Variants in P2RX1 observed in about 807,000 individuals in gnomAD.
The protein encoded by P2RX1 is P2X purinoceptor 1.
In P2RX1, 42 loss-of-function variants were observed where a neutral mutation model predicts 50.3. The observed-to-expected ratio is 0.83, with a 90% confidence interval of 0.65 to 1.08. P2RX1 has a LOEUF of 1.08. P2RX1 is among the 50% of genes least tolerant of loss of function. The probability of loss-of-function intolerance (pLI) is 0.00; values close to 1 mark genes in which losing one functional copy is unlikely to be tolerated. For synonymous variants in P2RX1, 199 were observed against 202.6 expected (o/e 0.98, Z 0.15); for missense variants, 449 against 529.0 (o/e 0.85, Z 1.48).
At chr17:3,898,404 G>T in intron 10 of P2RX1, 80 bp downstream of exon 10, 1 of 1,123,184 alleles carries the variant, frequency 8.9e-7, no homozygotes, top group Non-Finnish European at 1.3e-6. Flanking sequence ...GTTTTAGGGT[G>T]AGGGACGTCT....
Position 3,905,228 on chromosome 17 carries a change from G to T in P2RX1, c.277C>A (p.Pro93Thr), listed in dbSNP as rs776282211. Residue 93 changes from proline to threonine, a missense_variant, in exon 2 of 12, where the codon CCA (proline) becomes ACA (threonine). Transcript: ENST00000225538. Reference sequence around the variant, plus strand: ...AACCTGAGCCAGCTCACCTGGGCTGGGAAGACGTAGTCAGCCACATCCCAG... The same window carrying T: ...AACCTGAGCCAGCTCACCTGGGCTGTGAAGACGTAGTCAGCCACATCCCAG... ...QVWDVADYVF[P>T]AQGDNSFVVM... is the part of the protein sequence containing the mutation. 6.2e-6 allele frequency: 10 copies of T among 1,612,906 alleles called. No homozygotes were observed. The highest frequency in any genetic ancestry group is 7.6e-6 in the Non-Finnish European group (9 of 1,179,866).
chr17:3,913,861 G>A (rs937652533), intron 1 of P2RX1, among the ~76,000 whole-genome samples: 1 of 34,714 alleles, frequency 2.9e-5, no homozygotes, highest in Non-Finnish European at 4.9e-5. Context: ...GTGCACTCTT[G>A]GGGGGGGTGG....
Position 3,916,340 on chromosome 17 carries a change from A to T in P2RX1, c.-115T>A. The T allele has an allele frequency of 4.1e-6, 5 of 1,209,198 alleles. No homozygotes were observed. Among genetic ancestry groups the T allele is most frequent in the Non-Finnish European group, 5.9e-6 (5 of 850,866 alleles). 74.9% of individuals were successfully genotyped at this position (1,209,198 alleles called of 1,614,324 possible). ...GCTTCTGGGGGCTTCCTGGCCCCTT[A>T]GGAAGAGCAGGGCGGTGCAGGTGGA... On this transcript the variant is annotated 5_prime_UTR_variant, in exon 1 of 12. Coordinates refer to ENST00000225538, the MANE Select transcript of P2RX1 (RefSeq NM_002558.4).
intron 1 of P2RX1, 59 bp from the exon 2 acceptor site, chr17:3,905,426 C>A: frequency 6.3e-7 from 1 of 1,585,010 alleles, no homozygotes; most frequent in African/African-American, 1.3e-5. Flanking sequence ...ACCTGTCACA[C>A]GCTTTCCCAC....
chr17:3,906,477 T>C (rs2056266240), intron 1 of P2RX1, among the ~76,000 whole-genome samples: 1 of 152,170 alleles, frequency 6.6e-6, no homozygotes, highest in Admixed American at 6.5e-5. Flanking sequence ...TTCATACATG[T>C]AGAAACACTC....
chr17:3,916,267 C>A lies in P2RX1; in HGVS notation c.-42G>T. ...CTCAGAACTGAGCCCCCTGCACGGC[C>A]TCTGCTCTCAGGGTGAGCCGGGTGC... On this transcript the variant is annotated 5_prime_UTR_variant, in exon 1 of 12. In the 5' UTR this introduces an upstream ATG that the reference lacks. Coordinates refer to ENST00000225538, the MANE Select transcript of P2RX1 (RefSeq NM_002558.4). The A allele has an allele frequency of 6.2e-7, 1 of 1,603,412 alleles. No individual in the cohort carries two copies. Among genetic ancestry groups the A allele is most frequent in the South Asian group, 1.1e-5 (1 of 90,630 alleles).
At position 3,899,627 on chromosome 17, in the gene P2RX1, C is replaced by T; in HGVS notation, c.875+7G>A. On this transcript the variant is annotated splice_region_variant and intron_variant, in intron 8 of 11. Transcript: ENST00000225538. The stretch of plus-strand genomic sequence containing the variant: ...GAAGAATGTGCTGCTGGGGGCCTGG[C>T]AGACACCTGAAGTTGAAGCCTGGGG... The T allele has an allele frequency of 6.2e-7, 1 of 1,612,508 alleles. No individual in the cohort carries two copies. Among genetic ancestry groups the T allele is most frequent in the Non-Finnish European group, 8.5e-7 (1 of 1,178,954 alleles).
At chr17:3,907,800 C>A (rs2056294470) in intron 1 of P2RX1, among the ~76,000 whole-genome samples, 1 of 152,102 alleles carries the variant, frequency 6.6e-6, no homozygotes, top group South Asian at 2.1e-4. Context: ...TTGCCCATCC[C>A]CCCACTGGCC....
intron 1 of P2RX1, among the ~76,000 whole-genome samples, chr17:3,911,504 C>T (rs995107605): frequency 2.6e-5 from 4 of 152,162 alleles, no homozygotes; most frequent in Non-Finnish European, 5.9e-5. Context: ...CATCTGTCAC[C>T]CGTGCTCACT....
rs1173005865 is a variant in P2RX1, at chr17:3,901,779, G to A, written c.747+1423C>T. Among the ~76,000 whole-genome samples the A allele has an allele frequency of 2.6e-5, 4 of 151,992 alleles. No homozygotes were observed. The East Asian group carries it at 7.7e-4, about 29-fold the overall frequency. ...TCCCACGCGCCAGGCAGCGAGGCAC[G>A]CCAGGCACACGGCGTCAACTCTGCC... On this transcript the variant is annotated intron_variant, in intron 7 of 11. Transcript: ENST00000225538.
Position 3,897,575 on chromosome 17 carries a change from C to T in P2RX1, c.*239G>A. 3 of 589,368 alleles carry T rather than the reference C, an allele frequency of 5.1e-6. No homozygotes were observed. Among genetic ancestry groups the T allele is most frequent in the Non-Finnish European group, 6.1e-6 (2 of 328,304 alleles). The allele number at this position is 589,368 out of a possible 1,614,324, so 36.5% of individuals were successfully genotyped here. A position where few individuals can be genotyped will look rare whatever the true frequency, so the allele number is the denominator to read the frequency against. ...AGGGTCCTGCCCAGCCCCAGCCATT[C>T]CCCACCAGGAGCGGCTGAGGCTAGG... is the stretch of plus-strand genomic sequence containing the variant. On this transcript the variant is annotated 3_prime_UTR_variant, in exon 12 of 12. Transcript: ENST00000225538.
chr17:3,897,314 C>T lies in P2RX1; in HGVS notation c.*500G>A, dbSNP rs116106357. 2,541 of 183,824 alleles carry T rather than the reference C, an allele frequency of 0.014. 80 individuals carry two copies. Among genetic ancestry groups the T allele is most frequent in the African/African-American group, 0.056 (2,411 of 42,722 alleles). 11.4% of individuals were successfully genotyped at this position (183,824 alleles called of 1,614,324 possible). A position where few individuals can be genotyped will look rare whatever the true frequency, so the allele number is the denominator to read the frequency against. ...ACTTTCTTTGACAGTGAAAATGCCC[C>T]GAGCTGTCCAGTATGGCAGCCACTA... On this transcript the variant is annotated 3_prime_UTR_variant, in exon 12 of 12. Coordinates refer to ENST00000225538, the MANE Select transcript of P2RX1 (RefSeq NM_002558.4).
chr17:3,910,016 C>G (rs1368803562), intron 1 of P2RX1, among the ~76,000 whole-genome samples: 1 of 150,692 alleles, frequency 6.6e-6, no homozygotes, highest in Non-Finnish European at 1.5e-5. Context: ...GCTCTGTCCC[C>G]CAGACTGGAG....
chr17:3,899,891 A>G (rs959930262), intron 7 of P2RX1, 130 bp from the exon 8 acceptor site: 2 of 1,097,864 alleles, frequency 1.8e-6, no homozygotes, highest in Non-Finnish European at 1.4e-6. Context: ...ACCTGAGGCC[A>G]GGAGTTCAAG....
At chr17:3,899,546 G>A in intron 8 of P2RX1, 88 bp downstream of exon 8, 1 of 1,561,904 alleles carries the variant, frequency 6.4e-7, no homozygotes, top group South Asian at 1.1e-5. Context: ...CCCCTCTGGG[G>A]ACACTTTCTC....
chr17:3,907,293 G>GTC (rs1353073537), intron 1 of P2RX1, among the ~76,000 whole-genome samples: 1 of 147,682 alleles, frequency 6.8e-6, no homozygotes, highest in Non-Finnish European at 1.5e-5. Context: ...AGGGTAACGT[G>GTC]TGTGTGTGTG....
chr17:3,898,673 C>T (rs1161118015), intron 9 of P2RX1, 124 bp from the exon 10 acceptor site: 4 of 781,650 alleles, frequency 5.1e-6, no homozygotes, highest in Admixed American at 2.0e-5. Context: ...TCGGACTCTA[C>T]ATGGGCCACC....
rs1163471158 is a variant in P2RX1 at position 3,903,474 on chromosome 17, G to A, written c.605+77C>T. 1 of 1,587,496 alleles carries A rather than the reference G, an allele frequency of 6.3e-7. No individual in the cohort carries two copies. The highest frequency in any genetic ancestry group is 1.1e-5 in the South Asian group (1 of 90,248). On this transcript the variant is annotated intron_variant, in intron 6 of 11. Coordinates refer to ENST00000225538, the MANE Select transcript of P2RX1 (RefSeq NM_002558.4). This position sits in a 1 kb window ranked among gnomAD's most constrained non-coding sequence, Gnocchi z 4.6. ...TTCCTTCCACGCCAGCAGGAATGGA[G>A]GGAGACAGAGACAGCTGAGAGCTGC...
chr17:3,916,164 A>G lies in P2RX1; in HGVS notation c.62T>C (p.Met21Thr), dbSNP rs1412736237. ...AFLFEYDTPR[M>T]VLVRNKKVGV... is the part of the protein sequence containing the mutation. ...CACCTTCTTATTACGCACCAGCACC[A>G]TGCGGGGGGTGTCATACTCGAAGAG... Residue 21 changes from methionine (M) to threonine (T), a missense_variant, in exon 1 of 12, where the codon ATG becomes ACG. Coordinates refer to ENST00000225538, the MANE Select transcript of P2RX1 (RefSeq NM_002558.4). 2.5e-6 allele frequency: 4 copies of G among 1,613,460 alleles called. No homozygotes were observed. Among genetic ancestry groups the G allele is most frequent in the Non-Finnish European group, 3.4e-6 (4 of 1,179,996 alleles).
Sources: allele counts gnomAD v4.1 joint callset (sites outside exome capture counted in the v4.1 genomes callset), GRCh38; gene constraint gnomAD v4.1.1; non-coding constraint Gnocchi (gnomAD v3.1); transcripts MANE v1.5; gene names NCBI Gene and HGNC (gene_info 2026-07-23, HGNC 2026-07-21).